ARL10: variants seen among roughly 807,000 people sequenced by gnomAD.
The protein encoded by ARL10 is ADP-ribosylation factor-like protein 10.
In ARL10, 23 loss-of-function variants were observed where a neutral mutation model predicts 26.1. The observed-to-expected ratio is 0.88, with a 90% CI of 0.63 to 1.25. The LOEUF is 1.25. Ranked by LOEUF, ARL10 falls within the 50% of genes most tolerant of loss-of-function variation. The probability of loss-of-function intolerance (pLI) is 0.00; values close to 1 mark genes in which losing one functional copy is unlikely to be tolerated. For synonymous variants in ARL10, 138 were observed against 149.1 expected, an observed-to-expected ratio of 0.93 and a Z score of 0.54; for missense variants, 300 against 323.6, an observed-to-expected ratio of 0.93 and a Z score of 0.56.
In ARL10 at chr5:176,373,618, T is replaced by C. The variant is rs1768612655; in HGVS notation, c.*1723T>C. ...GGAAATTCTGAAGTCCAGAAGCGAG[T>C]GTGATCTTTGGAATAGTGGCTGCTG... On this transcript the variant is annotated 3_prime_UTR_variant, in exon 4 of 4. Transcript: ENST00000310389. 1 of 152,094 alleles carries C rather than the reference T, an allele frequency of 6.6e-6. No individual in the cohort carries two copies. Among genetic ancestry groups the C allele is most frequent in the Admixed American group, 6.5e-5 (1 of 15,280 alleles). The allele number at this position is 152,094 out of a possible 1,614,324, so 9.4% of individuals were successfully genotyped here.
At position 176,387,064 on chromosome 5, in the gene ARL10, TTC is replaced by T. The variant is rs55641001; in HGVS notation, c.37-1217_37-1216del. 8.1e-4 allele frequency: 449 copies of T among 552,444 alleles called. 2 individuals carry two copies. Among genetic ancestry groups the T allele is most frequent in the African/African-American group, 7.2e-3 (380 of 53,064 alleles). 34.2% of individuals were successfully genotyped at this position (552,444 alleles called of 1,614,324 possible). Reference sequence around the variant, plus strand: ...TGAGAACTAATGCCCTGGAGGCTTTTTCTCTCTCTCTCTCTTTTTTTTTTTCT... The same window carrying T: ...TGAGAACTAATGCCCTGGAGGCTTTTTCTCTCTCTCTCTTTTTTTTTTTCT... On this transcript the variant is annotated intron_variant, in intron 1 of 1. Coordinates refer to the ARL10 transcript ENST00000503175.
At chr5:176,388,389 T>C (rs1455516581) in exon 2 of ARL10, 1 of 1,612,740 alleles carries the variant, frequency 6.2e-7, no homozygotes, top group East Asian at 2.2e-5. Context: ...TCGCGGACCG[T>C]CCCGGCCGAG....
rs775552270 is a variant in ARL10 at position 176,397,925 on chromosome 5, C to T, written c.134-3816C>T. On this transcript the variant is annotated intron_variant, in intron 1 of 1. Transcript: ENST00000514533. ...CAGCCAACCCCGCCTCAGCCCCGCC[C>T]TCACCCAGCTCTTGCAGCCGTTTCC... 3.1e-6 allele frequency: 5 copies of T among 1,613,140 alleles called. No individual in the cohort carries two copies. The Admixed American group carries it at 6.7e-5, about 22-fold the overall frequency.
chr5:176,414,280 A>G, the ARL10 span, among the ~76,000 whole-genome samples: 2 of 152,158 alleles, frequency 1.3e-5, no homozygotes, highest in South Asian at 2.1e-4. Flanking sequence ...GGCATTTCTT[A>G]GGAATTCCCT....
At chr5:176,389,226 C>T (rs140409053), downstream of ARL10, 10,112 of 1,377,564 alleles carry the variant, frequency 7.3e-3, 60 homozygotes, top group Non-Finnish European at 8.2e-3. Context: ...CGCCCTCCCT[C>T]CGCTGTGATC....
Position 176,393,965 on chromosome 5 carries a change from T to G in ARL10, c.134-7776T>G, listed in dbSNP as rs1756374184. Among the ~76,000 whole-genome samples, 1 of 152,164 alleles carries G rather than the reference T, an allele frequency of 6.6e-6. No individual in the cohort carries two copies. Among genetic ancestry groups the G allele is most frequent in the Admixed American group, 6.5e-5 (1 of 15,276 alleles). ...GGACCAGTTCTGCCGATGCCAGACA[T>G]GACTGATGGCAGGAGCGCTCCATGG... On this transcript the variant is annotated intron_variant, in intron 1 of 1. Coordinates refer to the ARL10 transcript ENST00000514533. The surrounding 1 kb of genome is among the most constrained non-coding windows in gnomAD (Gnocchi z 4.4).
intron 3 of ARL10, 83 bp from the exon 4 acceptor site, chr5:176,371,639 A>G (rs1477561588): frequency 2.7e-6 from 3 of 1,096,576 alleles, no homozygotes; most frequent in Non-Finnish European, 4.1e-6. Context: ...ATAGCCTAAG[A>G]ACAGTGTGTT....
chr5:176,414,824 C>T, the ARL10 span, among the ~76,000 whole-genome samples: 6 of 152,158 alleles, frequency 3.9e-5, no homozygotes, highest in Non-Finnish European at 7.3e-5. Context: ...CAAGGAGATA[C>T]AGAGTTGCTT....
chr5:176,396,581 C>T, intron 1 of ARL10: 9 of 1,357,370 alleles, frequency 6.6e-6, no homozygotes, highest in Non-Finnish European at 9.5e-6. Flanking sequence ...AGGCAGATGG[C>T]AAGACAGACA....
At chr5:176,394,581 G>A (rs1403770990) in intron 1 of ARL10, among the ~76,000 whole-genome samples, 1 of 150,578 alleles carries the variant, frequency 6.6e-6, no homozygotes, top group Non-Finnish European at 1.5e-5. Flanking sequence ...ACTTTGGGAG[G>A]CCAAGGTGGG....
intron 1 of ARL10, 143 bp from the exon 2 acceptor site, chr5:176,366,237 G>T: frequency 1.0e-6 from 1 of 963,272 alleles, no homozygotes. Flanking sequence ...CAAAGGCGGC[G>T]TTCGTCCCAC....
At chr5:176,402,911 C>T (rs1046307746), downstream of ARL10, among the ~76,000 whole-genome samples, 2 of 152,138 alleles carry the variant, frequency 1.3e-5, no homozygotes, top group Admixed American at 6.5e-5. Context: ...GTAAGAATCA[C>T]GTGGGCCTGG....
chr5:176,398,194 CA>C (rs1342678837), intron 1 of ARL10: 1 of 691,552 alleles, frequency 1.4e-6, no homozygotes, highest in African/African-American at 1.8e-5. Context: ...CCTATCTTTG[CA>C]CTTGCTGTTC....
chr5:176,384,849 T>C (rs1040806076), downstream of ARL10: 4 of 476,586 alleles, frequency 8.4e-6, no homozygotes, highest in Admixed American at 3.6e-5. Context: ...TGACCCATCA[T>C]AGCCAGCTAA....
At chr5:176,390,319 G>C (rs879440446), downstream of ARL10, among the ~76,000 whole-genome samples, 19 of 151,948 alleles carry the variant, frequency 1.3e-4, no homozygotes, top group Admixed American at 1.2e-3. Flanking sequence ...CCTTCCTTCA[G>C]ATGAGGCCTC....
downstream of ARL10, chr5:176,384,895 C>A (rs1755709682): frequency 5.6e-6 from 3 of 531,258 alleles, no homozygotes; most frequent in Non-Finnish European, 1.0e-5. Flanking sequence ...GTAGCCGGAT[C>A]TTTCAACTGT....
the ARL10 span, chr5:176,410,410 A>G: frequency 2.5e-6 from 2 of 802,120 alleles, no homozygotes; most frequent in Non-Finnish European, 2.1e-6. Context: ...ACCCATGTAT[A>G]TATCGACCCA....
intron 3 of ARL10, among the ~76,000 whole-genome samples, chr5:176,369,421 T>C (rs72648804): frequency 0.14 from 20,900 of 151,850 alleles, 1,478 homozygotes; most frequent in Middle Eastern, 0.21. Flanking sequence ...TTAGTAGAGG[T>C]GGAGTTTTGC....
rs1768647509 is a variant in ARL10, at chr5:176,375,106, A to ATCCATCCC, written c.*3214_*3215insATCCCTCC. On this transcript the variant is annotated 3_prime_UTR_variant, in exon 4 of 4. Coordinates refer to ENST00000310389, the MANE Select transcript of ARL10 (RefSeq NM_173664.6). The stretch of plus-strand genomic sequence containing the variant: ...CATCCATCCATCCATCCATCCATCC[A>ATCCATCCC]TCCCTCCATCCGTCCACCCGTCCAC... 7.0e-6 allele frequency: 1 copy of ATCCATCCC among 142,482 alleles called. No homozygotes were observed. Among genetic ancestry groups the ATCCATCCC allele is most frequent in the Non-Finnish European group, 1.6e-5 (1 of 64,380 alleles). The allele number at this position is 142,482 out of a possible 1,614,324, so 8.8% of individuals were successfully genotyped here.
Sources: allele counts gnomAD v4.1 joint callset (sites outside exome capture counted in the v4.1 genomes callset), GRCh38; gene constraint gnomAD v4.1.1; non-coding constraint Gnocchi (gnomAD v3.1); transcripts MANE v1.5; gene names NCBI Gene and HGNC (gene_info 2026-07-23, HGNC 2026-07-21).